Variants in PRKG1 observed in about 807,000 individuals in gnomAD.
PRKG1 encodes the protein cGMP-dependent protein kinase 1.
Under a neutral mutation model 88.1 loss-of-function variants are expected in PRKG1, and 35 were observed. The ratio of observed to expected loss-of-function variants is 0.40; its 90% confidence interval spans 0.30 to 0.53. The LOEUF (loss-of-function observed/expected upper bound fraction) is 0.53. Among genes scored for constraint, PRKG1 ranks in the 20% least tolerant of loss-of-function variants. The probability of loss-of-function intolerance (pLI) is 0.59; values close to 1 mark genes in which losing one functional copy is unlikely to be tolerated. For missense variants in PRKG1, 540 were observed against 839.8 expected (o/e 0.64, Z 4.41); for synonymous variants, 303 against 292.5 (o/e 1.04, Z -0.37).
At chr10:51,390,886 C>G (rs948925462) in intron 2 of PRKG1, among the ~76,000 whole-genome samples, 7 of 152,132 alleles carry the variant, frequency 4.6e-5, no homozygotes, top group Non-Finnish European at 1.0e-4. Flanking sequence ...TCCAACAATG[C>G]ACAGGAAATC....
At chr10:51,778,926 T>C (rs1373316317) in intron 3 of PRKG1, among the ~76,000 whole-genome samples, 2 of 148,972 alleles carry the variant, frequency 1.3e-5, no homozygotes, top group Non-Finnish European at 2.9e-5. Flanking sequence ...GTAATCTTTA[T>C]ATAGTTTTTG....
chr10:51,554,238 T>C lies in PRKG1; in HGVS notation c.592+86402T>C, dbSNP rs537177672. On this transcript the variant is annotated intron_variant, in intron 3 of 17. Transcript: ENST00000373980. ...GTATATTATATATGCATATATGATA[T>C]GTATATATATTATACATATATCTTA... 8.8e-5 allele frequency among the ~76,000 whole-genome samples: 13 copies of C among 147,484 alleles called. No homozygotes were observed. In the South Asian group the frequency reaches 2.7e-3, roughly 31 times the overall value.
At chr10:51,262,062 G>A (rs375779467) in intron 2 of PRKG1, among the ~76,000 whole-genome samples, 6 of 151,154 alleles carry the variant, frequency 4.0e-5, no homozygotes, top group Admixed American at 2.6e-4. Context: ...AAATTTTTGT[G>A]TTTTTAGTAG....
At chr10:52,042,060 G>A (rs1845765994) in intron 5 of PRKG1, among the ~76,000 whole-genome samples, 1 of 152,088 alleles carries the variant, frequency 6.6e-6, no homozygotes, top group African/African-American at 2.4e-5. Context: ...AGAAATTAAA[G>A]AGAACAGAAG....
intron 2 of PRKG1, among the ~76,000 whole-genome samples, chr10:51,210,967 G>A (rs1838200096): frequency 1.3e-5 from 2 of 152,106 alleles, no homozygotes; most frequent in African/African-American, 4.8e-5. Context: ...CATTTTATAA[G>A]GCCAGCATCA....
intron 2 of PRKG1, among the ~76,000 whole-genome samples, chr10:51,392,793 G>A (rs1258336251): frequency 2.0e-5 from 3 of 147,432 alleles, no homozygotes; most frequent in African/African-American, 7.4e-5. Context: ...CGGACGGGGC[G>A]GCTGGCCGGG....
At chr10:52,024,298 C>G (rs192885597) in intron 5 of PRKG1, among the ~76,000 whole-genome samples, 1 of 142,714 alleles carries the variant, frequency 7.0e-6, no homozygotes, top group Non-Finnish European at 1.5e-5. Flanking sequence ...TTTATTTATT[C>G]ATTTATTTAT....
At chr10:51,601,631 T>C (rs1048544370) in intron 3 of PRKG1, among the ~76,000 whole-genome samples, 1 of 151,768 alleles carries the variant, frequency 6.6e-6, no homozygotes, top group African/African-American at 2.4e-5. Context: ...GTGACCCTTT[T>C]AGCCTGCTCA....
At chr10:51,920,516 C>T (rs894423086) in intron 5 of PRKG1, among the ~76,000 whole-genome samples, 4 of 152,006 alleles carry the variant, frequency 2.6e-5, no homozygotes, top group African/African-American at 7.2e-5. Context: ...TGTTTAGTTT[C>T]GTGTCTACAG....
intron 3 of PRKG1, among the ~76,000 whole-genome samples, chr10:51,518,568 G>A (rs1337757964): frequency 6.6e-6 from 1 of 152,134 alleles, no homozygotes; most frequent in Non-Finnish European, 1.5e-5. Flanking sequence ...GCATTGGAGA[G>A]GTAGCATATA....
intron 2 of PRKG1, among the ~76,000 whole-genome samples, chr10:51,211,838 C>T (rs1051975382): frequency 4.6e-5 from 7 of 152,184 alleles, no homozygotes; most frequent in African/African-American, 1.4e-4. Flanking sequence ...AATGGAAGAA[C>T]ATTTCATGCT....
At chr10:52,049,332 T>C (rs1845934406) in intron 5 of PRKG1, among the ~76,000 whole-genome samples, 1 of 151,820 alleles carries the variant, frequency 6.6e-6, no homozygotes, top group Non-Finnish European at 1.5e-5. Flanking sequence ...CTAGAAGGGA[T>C]CCAGCATGGC....
chr10:52,015,762 C>T (rs1192035970), intron 5 of PRKG1, among the ~76,000 whole-genome samples: 1 of 152,178 alleles, frequency 6.6e-6, no homozygotes, highest in African/African-American at 2.4e-5. Context: ...AGGTTATATA[C>T]TGAATGCTTT....
chr10:51,036,471 A>G (rs1843355637), intron 1 of PRKG1, among the ~76,000 whole-genome samples: 1 of 152,028 alleles, frequency 6.6e-6, no homozygotes, highest in South Asian at 2.1e-4. Context: ...GGGGGTGCAG[A>G]GTAAAGTGAG....
chr10:51,373,509 T>C (rs1033854622), intron 2 of PRKG1, among the ~76,000 whole-genome samples: 8 of 152,178 alleles, frequency 5.3e-5, no homozygotes, highest in African/African-American at 1.9e-4. Context: ...ACGTGTGCCA[T>C]GGTGGTTTGC....
intron 3 of PRKG1, among the ~76,000 whole-genome samples, chr10:51,503,277 A>G (rs1841088657): frequency 6.6e-6 from 1 of 152,096 alleles, no homozygotes; most frequent in Admixed American, 6.6e-5. Context: ...TTTTATATGT[A>G]AAACAAAGAA....
At chr10:51,123,018 T>A (rs1026729122) in intron 1 of PRKG1, among the ~76,000 whole-genome samples, 7 of 152,196 alleles carry the variant, frequency 4.6e-5, no homozygotes, top group African/African-American at 1.7e-4. Flanking sequence ...AGAACCTTCC[T>A]CAAAATTATT....
At chr10:51,327,152 C>T (rs529494393) in intron 2 of PRKG1, among the ~76,000 whole-genome samples, 4 of 152,180 alleles carry the variant, frequency 2.6e-5, no homozygotes, top group South Asian at 4.2e-4. Flanking sequence ...TGGTGGCTCA[C>T]GCCTGTAATC....
chr10:51,578,984 T>TC (rs1301253880), intron 3 of PRKG1, among the ~76,000 whole-genome samples: 66 of 122,180 alleles, frequency 5.4e-4, no homozygotes, highest in African/African-American at 2.6e-3. Context: ...CTGTTGGTTT[T>TC]TTTTTTTTTT....
Sources: gnomAD v4.1 joint callset for allele counts (sites outside exome capture counted in the v4.1 genomes callset) on GRCh38, gnomAD v4.1.1 for gene constraint, MANE v1.5 for transcripts, NCBI Gene and HGNC (gene_info 2026-07-23, HGNC 2026-07-21) for gene names.